The following NKAIN2 variants were observed in gnomAD, a reference collection of about 807,000 sequenced individuals.
The protein encoded by NKAIN2 is sodium/potassium-transporting ATPase subunit beta-1-interacting protein 2.
In NKAIN2, 14 loss-of-function variants were observed where a neutral mutation model predicts 32.6. The ratio of observed to expected loss-of-function variants is 0.43; its 90% CI spans 0.28 to 0.67. The LOEUF (loss-of-function observed/expected upper bound fraction) is 0.67. NKAIN2 is among the 30% of genes least tolerant of loss of function. NKAIN2 has a pLI of 0.17. For missense variants in NKAIN2, 198 were observed against 258.3 expected (o/e 0.77, Z 1.60); for synonymous variants, 80 against 87.2 (o/e 0.92, Z 0.46).
chr6:124,601,651 G>T (rs1178015752), intron 3 of NKAIN2, among the ~76,000 whole-genome samples: 1 of 152,038 alleles, frequency 6.6e-6, no homozygotes, highest in Non-Finnish European at 1.5e-5. Context: ...ATGTGTACCA[G>T]CAGGGCAAGA....
chr6:124,359,709 C>T (rs1799175985), intron 3 of NKAIN2, among the ~76,000 whole-genome samples: 1 of 152,156 alleles, frequency 6.6e-6, no homozygotes, highest in Admixed American at 6.5e-5. Flanking sequence ...ACAATGATGT[C>T]ATCTGCGAAC....
chr6:124,806,367 G>T (rs1043245767), intron 5 of NKAIN2, among the ~76,000 whole-genome samples: 13 of 152,196 alleles, frequency 8.5e-5, no homozygotes, highest in Admixed American at 2.6e-4. Flanking sequence ...TTTCAACCCA[G>T]AATTTCATAT....
At chr6:124,218,736 T>TA (rs1582868515) in intron 1 of NKAIN2, among the ~76,000 whole-genome samples, 1 of 152,196 alleles carries the variant, frequency 6.6e-6, no homozygotes, top group Admixed American at 6.5e-5. Flanking sequence ...GTGTGCTCTG[T>TA]AAAAAAATCA....
intron 6 of NKAIN2, among the ~76,000 whole-genome samples, chr6:124,821,027 A>G (rs1047550444): frequency 1.3e-5 from 2 of 152,142 alleles, no homozygotes; most frequent in Non-Finnish European, 2.9e-5. Flanking sequence ...AGGCACAGTG[A>G]TTCATGCCTG....
chr6:124,492,383 A>AGTTCAGTTAAATGTTCCTACG (rs1256435941), intron 3 of NKAIN2, among the ~76,000 whole-genome samples: 1 of 152,000 alleles, frequency 6.6e-6, no homozygotes, highest in Non-Finnish European at 1.5e-5. Context: ...AATTTCCTAC[A>AGTTCAGTTAAATGTTCCTACG]GTTCAGTTAA....
At chr6:123,858,479 A>G (rs1159505810) in intron 1 of NKAIN2, among the ~76,000 whole-genome samples, 2 of 152,242 alleles carry the variant, frequency 1.3e-5, no homozygotes, top group Non-Finnish European at 1.5e-5. Context: ...GGGAGAGACT[A>G]TATAGGGGAA....
At chr6:124,066,886 G>A (rs928499852) in intron 1 of NKAIN2, among the ~76,000 whole-genome samples, 3 of 150,802 alleles carry the variant, frequency 2.0e-5, no homozygotes, top group African/African-American at 7.4e-5. Flanking sequence ...GTGTGTGTGT[G>A]TGTGTGTGTG....
At chr6:124,042,572 C>G (rs1781917222) in intron 1 of NKAIN2, among the ~76,000 whole-genome samples, 1 of 152,048 alleles carries the variant, frequency 6.6e-6, no homozygotes, top group South Asian at 2.1e-4. Flanking sequence ...TATTTACTAC[C>G]TGCCCATGCC....
At chr6:123,814,750 C>A (rs956887006) in intron 1 of NKAIN2, among the ~76,000 whole-genome samples, 1 of 152,132 alleles carries the variant, frequency 6.6e-6, no homozygotes, top group Non-Finnish European at 1.5e-5. Context: ...AGGGTCATTG[C>A]ATATTTCCTA....
At chr6:124,749,772 A>C (rs6933963) in intron 4 of NKAIN2, among the ~76,000 whole-genome samples, 49,954 of 151,816 alleles carry the variant, frequency 0.33, 9,159 homozygotes, top group Non-Finnish European at 0.44. Flanking sequence ...TCCACACTAT[A>C]ATATTAAATC....
At chr6:124,288,266 G>A (rs1364091925) in intron 2 of NKAIN2, among the ~76,000 whole-genome samples, 1 of 152,202 alleles carries the variant, frequency 6.6e-6, no homozygotes, top group Non-Finnish European at 1.5e-5. Flanking sequence ...CTGACAACCA[G>A]TCTGTCCTTG....
At chr6:123,823,668 G>T (rs1335858200) in intron 1 of NKAIN2, among the ~76,000 whole-genome samples, 1 of 152,116 alleles carries the variant, frequency 6.6e-6, no homozygotes, top group Admixed American at 6.5e-5. Flanking sequence ...ATTCAGAAAT[G>T]CCACTCAGGG....
chr6:124,543,694 A>G (rs1173643864), intron 3 of NKAIN2, among the ~76,000 whole-genome samples: 1 of 152,176 alleles, frequency 6.6e-6, no homozygotes, highest in African/African-American at 2.4e-5. Context: ...GGATAAGAGA[A>G]TATGATTGTG....
intron 1 of NKAIN2, among the ~76,000 whole-genome samples, chr6:124,271,392 A>G (rs1307059412): frequency 6.6e-6 from 1 of 151,952 alleles, no homozygotes; most frequent in African/African-American, 2.4e-5. Context: ...AATTTTTTGT[A>G]TCTTTAGTAG....
intron 1 of NKAIN2, among the ~76,000 whole-genome samples, chr6:124,133,100 G>T (rs141861532): frequency 6.6e-6 from 1 of 152,304 alleles, no homozygotes; most frequent in Non-Finnish European, 1.5e-5. Flanking sequence ...CTTGGAGAAG[G>T]GGTACTTATT....
chr6:124,248,906 T>C (rs958523882), intron 1 of NKAIN2, among the ~76,000 whole-genome samples: 3 of 152,114 alleles, frequency 2.0e-5, no homozygotes, highest in Non-Finnish European at 4.4e-5. Context: ...TGATAGACAT[T>C]ATATAACCTC....
chr6:123,970,110 G>GAT (rs71541239), intron 1 of NKAIN2, among the ~76,000 whole-genome samples: 20,846 of 149,168 alleles, frequency 0.14, 1,677 homozygotes, highest in East Asian at 0.45. Context: ...TTATTAAATG[G>GAT]ATATATATAT....
At chr6:123,806,555 A>G (rs566137591) in intron 1 of NKAIN2, among the ~76,000 whole-genome samples, 3 of 152,190 alleles carry the variant, frequency 2.0e-5, no homozygotes, top group African/African-American at 4.8e-5. Context: ...GTGGGTGTGT[A>G]TGTTTTCCTT....
chr6:124,280,878 G>A (rs2114914466), intron 1 of NKAIN2, among the ~76,000 whole-genome samples: 1 of 152,216 alleles, frequency 6.6e-6, no homozygotes, highest in East Asian at 1.9e-4. Context: ...AATCAAAAAG[G>A]GGAAAAAGGC....
Sources: allele counts gnomAD v4.1 joint callset (sites outside exome capture counted in the v4.1 genomes callset), GRCh38; gene constraint gnomAD v4.1.1; transcripts MANE v1.5; gene names NCBI Gene and HGNC (gene_info 2026-07-23, HGNC 2026-07-21).